PRPSAP1: variants seen among roughly 807,000 people sequenced by gnomAD.
PRPSAP1 encodes the protein phosphoribosyl pyrophosphate synthase-associated protein 1.
In PRPSAP1, 31 loss-of-function variants were observed where a neutral mutation model predicts 39.4. That is an observed-to-expected ratio of 0.79 (90% CI 0.59 to 1.06). PRPSAP1 has a LOEUF of 1.06. Ranked by LOEUF, PRPSAP1 falls within the 50% of genes least tolerant of loss-of-function variation. The pLI is 0.00. For missense variants in PRPSAP1, 430 were observed against 511.6 expected, an observed-to-expected ratio of 0.84 and a Z score of 1.54; for synonymous variants, 212 against 192.6, an observed-to-expected ratio of 1.10 and a Z score of -0.83.
intron 2 of PRPSAP1, 149 bp from the exon 3 acceptor site, chr17:76,344,886 A>C (rs901427450): frequency 8.6e-6 from 5 of 583,264 alleles, no homozygotes; most frequent in African/African-American, 7.5e-5. Flanking sequence ...AGATCACTTG[A>C]GCACCAGAGT....
At chr17:76,329,787 T>G (rs171135) in intron 6 of PRPSAP1, among the ~76,000 whole-genome samples, 1 of 152,008 alleles carries the variant, frequency 6.6e-6, no homozygotes, top group Admixed American at 6.6e-5. Context: ...CATAGCCTCA[T>G]TGCTTTCCTT....
chr17:76,323,986 T>C (rs906669416), intron 7 of PRPSAP1, among the ~76,000 whole-genome samples: 13 of 149,758 alleles, frequency 8.7e-5, no homozygotes, highest in African/African-American at 3.2e-4. Flanking sequence ...TCTCTACTAA[T>C]AATACAAAAA....
chr17:76,346,058 G>C (rs762049780), intron 2 of PRPSAP1: 4 of 402,584 alleles, frequency 9.9e-6, no homozygotes, highest in South Asian at 5.9e-5. Context: ...ATGGGAAGTG[G>C]AGATGCCTGA....
intron 1 of PRPSAP1, among the ~76,000 whole-genome samples, chr17:76,350,775 G>A (rs1387364914): frequency 1.3e-5 from 2 of 152,232 alleles, no homozygotes; most frequent in African/African-American, 2.4e-5. Context: ...GCTCATGCCT[G>A]TAAAGGCGGC....
Position 76,314,351 on chromosome 17 carries a change from G to C in PRPSAP1, c.782-460C>G, listed in dbSNP as rs202233505. On this transcript the variant is annotated intron_variant, in intron 7 of 9. Coordinates refer to ENST00000446526, the MANE Select transcript of PRPSAP1 (RefSeq NM_002766.3). ...TCTGCCTCAGCCTCCCGAGTAGCTGGGATTATAGGCATGCGCCACCACACC... is the reference window on the plus strand; with the variant it reads ...TCTGCCTCAGCCTCCCGAGTAGCTGCGATTATAGGCATGCGCCACCACACC... 7 of 188,100 alleles carry C rather than the reference G, an allele frequency of 3.7e-5. No individual in the cohort carries two copies. The East Asian group carries it at 1.1e-3, about 29-fold the overall frequency. The allele number at this position is 188,100 out of a possible 1,614,324, so 11.7% of individuals were successfully genotyped here.
chr17:76,314,853 G>A (rs960333966), intron 7 of PRPSAP1, among the ~76,000 whole-genome samples: 3 of 152,188 alleles, frequency 2.0e-5, no homozygotes, highest in African/African-American at 7.2e-5. Context: ...AAGCTGCACC[G>A]CAGTGCTGTG....
In PRPSAP1 at chr17:76,330,093, T is replaced by C; in HGVS notation, c.585A>G (p.Pro195=). Reference sequence around the variant, plus strand: ...CTACAATGACTGCATTTCTGTAATTTGGAATCTAGATTTGAAGGAAAAATA... The same window carrying C: ...CTACAATGACTGCATTTCTGTAATTCGGAATCTAGATTTGAAGGAAAAATA... ...FLLQYIQEEI[P]NYRNAVIVAK... Residue 195 remains proline, a synonymous_variant, in exon 6 of 10, where the codon CCA becomes CCG. Transcript: ENST00000446526. 6.2e-7 allele frequency: 1 copy of C among 1,612,784 alleles called. No homozygotes were observed. Among genetic ancestry groups the C allele is most frequent in the Non-Finnish European group, 8.5e-7 (1 of 1,178,796 alleles).
At chr17:76,342,559 T>A (rs1163655466) in intron 3 of PRPSAP1, among the ~76,000 whole-genome samples, 1 of 149,220 alleles carries the variant, frequency 6.7e-6, no homozygotes, top group Non-Finnish European at 1.5e-5. Flanking sequence ...CTACTAAAAA[T>A]ACAAAAAATT....
chr17:76,342,795 C>T (rs12953072), intron 3 of PRPSAP1, among the ~76,000 whole-genome samples: 14,243 of 151,624 alleles, frequency 0.094, 723 homozygotes, highest in South Asian at 0.19. Context: ...TGAATAGGGC[C>T]GGGCGCAGTG....
In PRPSAP1 at chr17:76,334,170, C is replaced by T. The variant is rs1016957798; in HGVS notation, c.291-1735G>A. Among the ~76,000 whole-genome samples, 71 of 152,330 alleles carry T rather than the reference C, an allele frequency of 4.7e-4. 1 individual carries two copies. Among genetic ancestry groups the T allele is most frequent in the African/African-American group, 1.7e-3 (71 of 41,572 alleles). On this transcript the variant is annotated intron_variant, in intron 3 of 9. Transcript: ENST00000446526. ...CCTGGACTATCCACGCATCCTCAAA[C>T]ATCCCCGTCTTGGGGTGGGGGTGGG...
At chr17:76,333,499 G>C (rs2071346576) in intron 3 of PRPSAP1, among the ~76,000 whole-genome samples, 1 of 151,976 alleles carries the variant, frequency 6.6e-6, no homozygotes, top group South Asian at 2.1e-4. Flanking sequence ...ACAAAAATTA[G>C]CCAGGTGTGG....
intron 7 of PRPSAP1, 87 bp downstream of exon 7, chr17:76,328,630 A>C: frequency 9.3e-6 from 14 of 1,498,760 alleles, no homozygotes; most frequent in Non-Finnish European, 1.1e-5. Flanking sequence ...AAAACAAAAC[A>C]AAACAACAAC....
At chr17:76,311,843 T>C (rs1040870535) in intron 9 of PRPSAP1, 143 bp from the exon 10 acceptor site, 2 of 977,876 alleles carry the variant, frequency 2.0e-6, no homozygotes, top group African/African-American at 3.4e-5. Context: ...ATAGTTTTTA[T>C]AAACCAAAAT....
chr17:76,337,749 G>A lies in PRPSAP1; in HGVS notation c.291-5314C>T, dbSNP rs111953539. 6.8e-3 allele frequency among the ~76,000 whole-genome samples: 1,037 copies of A among 152,218 alleles called. 19 individuals are homozygous for A. Among genetic ancestry groups the A allele is most frequent in the African/African-American group, 0.023 (974 of 41,518 alleles). ...GCCTTCCGAATATCTGGGATTACAGGCACCTGCCACCATGCCTGGTTAATT... is the reference window on the plus strand; with the variant it reads ...GCCTTCCGAATATCTGGGATTACAGACACCTGCCACCATGCCTGGTTAATT... On this transcript the variant is annotated intron_variant, in intron 3 of 9. Transcript: ENST00000446526.
intron 1 of PRPSAP1, among the ~76,000 whole-genome samples, chr17:76,352,644 C>CAAAAAAAAAAAAAA (rs55986677): frequency 1.9e-5 from 1 of 53,588 alleles, no homozygotes; most frequent in African/African-American, 5.8e-5. Context: ...GACTCCGTCT[C>CAAAAAAAAAAAAAA]AAAAAAAAAA....
intron 3 of PRPSAP1, among the ~76,000 whole-genome samples, chr17:76,337,072 T>C (rs1465651488): frequency 6.6e-6 from 1 of 152,144 alleles, no homozygotes; most frequent in Non-Finnish European, 1.5e-5. Flanking sequence ...CTTAATTGTT[T>C]TACCAACTAC....
rs1426795056 is a variant in PRPSAP1, at chr17:76,330,090, A to C, written c.588T>G (p.Asn196Lys). ...LLQYIQEEIP[N>K]YRNAVIVAKS... ...TAGCTACAATGACTGCATTTCTGTA[A>C]TTTGGAATCTAGATTTGAAGGAAAA... is the stretch of plus-strand genomic sequence containing the variant. Residue 196 changes from asparagine (N) to lysine (K), a missense_variant, in exon 6 of 10, where the codon AAT (asparagine) becomes AAG (lysine). Physicochemically the swap from Asn to Lys is moderately conservative, Grantham distance 94. Coordinates refer to ENST00000446526, the MANE Select transcript of PRPSAP1 (RefSeq NM_002766.3). 1 of 1,612,864 alleles carries C rather than the reference A, an allele frequency of 6.2e-7. No individual in the cohort carries two copies. Among genetic ancestry groups the C allele is most frequent in the African/African-American group, 1.3e-5 (1 of 74,908 alleles).
chr17:76,340,618 CG>C lies in PRPSAP1; in HGVS notation c.290+4052del, dbSNP rs576240880. Among the ~76,000 whole-genome samples the C allele has an allele frequency of 2.8e-3, 420 of 151,944 alleles. 8 individuals are homozygous for C. Among genetic ancestry groups the C allele is most frequent in the African/African-American group, 9.5e-3 (390 of 41,258 alleles). The stretch of plus-strand genomic sequence containing the variant: ...TGAAATAACCATGAACGGCCTCGCA[CG>C]GTGGCTCGCGCCTGTAATGCCAGCA... On this transcript the variant is annotated intron_variant, in intron 3 of 9. Coordinates refer to ENST00000446526, the MANE Select transcript of PRPSAP1 (RefSeq NM_002766.3).
intron 7 of PRPSAP1, among the ~76,000 whole-genome samples, chr17:76,322,385 G>C (rs2071207263): frequency 6.6e-6 from 1 of 152,096 alleles, no homozygotes; most frequent in Non-Finnish European, 1.5e-5. Context: ...GACAGAGCAA[G>C]ACTCCATCTC....
Sources: gnomAD v4.1 joint callset for allele counts (sites outside exome capture counted in the v4.1 genomes callset) on GRCh38, gnomAD v4.1.1 for gene constraint, MANE v1.5 for transcripts, NCBI Gene and HGNC (gene_info 2026-07-23, HGNC 2026-07-21) for gene names.